ANKS1B: variants seen among roughly 807,000 people sequenced by gnomAD.
ANKS1B encodes ankyrin repeat and sterile alpha motif domain-containing protein 1B.
Under a neutral mutation model 148.3 loss-of-function variants are expected in ANKS1B, and 36 were observed. That is an observed-to-expected ratio of 0.24 (90% CI 0.19 to 0.32). The LOEUF (loss-of-function observed/expected upper bound fraction) is 0.32. Among genes scored for constraint, ANKS1B ranks in the 10% least tolerant of loss-of-function variants. The pLI is 1.00. For missense variants in ANKS1B, 1,157 were observed against 1,542.6 expected (o/e 0.75, Z 4.19); for synonymous variants, 542 against 560.8 (o/e 0.97, Z 0.47).
intron 11 of ANKS1B, among the ~76,000 whole-genome samples, chr12:99,417,283 A>G (rs114190065): frequency 0.02 from 2,987 of 152,326 alleles, 97 homozygotes; most frequent in African/African-American, 0.068. Context: ...GTGTATGTCC[A>G]ACTGCTCCAG....
chr12:99,443,630 C>T (rs753173438), intron 11 of ANKS1B, 43 bp downstream of exon 11: 6 of 1,602,910 alleles, frequency 3.7e-6, no homozygotes, highest in African/African-American at 1.3e-5. Flanking sequence ...TGATTCAAAT[C>T]AAAACACATT....
intron 9 of ANKS1B, among the ~76,000 whole-genome samples, chr12:99,582,248 G>A (rs1344228963): frequency 6.6e-6 from 1 of 151,602 alleles, no homozygotes; most frequent in African/African-American, 2.4e-5. Context: ...ATTCCTGATG[G>A]GAATGCAAAA....
chr12:99,299,954 G>A lies in ANKS1B; in HGVS notation c.1757-53090C>T, dbSNP rs370700089. Among the ~76,000 whole-genome samples, 6 of 152,110 alleles carry A rather than the reference G, an allele frequency of 3.9e-5. No individual in the cohort carries two copies. In the South Asian group the frequency reaches 6.2e-4, roughly 16 times the overall value. On this transcript the variant is annotated intron_variant, in intron 12 of 26. Transcript: ENST00000683438. ...TTATTGCTGTTCCTATGCTTGGTGG[G>A]CAAATCACATTGAGTTTGCCTTCAT...
intron 10 of ANKS1B, among the ~76,000 whole-genome samples, chr12:99,452,923 C>T (rs547109305): frequency 1.1e-4 from 17 of 152,322 alleles, no homozygotes; most frequent in African/African-American, 3.8e-4. Flanking sequence ...TTGAGCCCCA[C>T]CTCATGGTAT....
At chr12:99,639,121 T>C (rs1598607571) in intron 9 of ANKS1B, among the ~76,000 whole-genome samples, 1 of 152,342 alleles carries the variant, frequency 6.6e-6, no homozygotes, top group South Asian at 2.1e-4. Context: ...AATGTGGGGT[T>C]GGAGCCCCCA....
In ANKS1B at chr12:99,244,393, T is replaced by C; in HGVS notation, c.2368A>G (p.Ile790Val). 1 of 1,606,238 alleles carries C rather than the reference T, an allele frequency of 6.2e-7. No individual in the cohort carries two copies. ...WEEIDKIMSS[I>V]DVGINNELKE... ...AGTTCGTTGTTGATTCCAACATCTA[T>C]GGAACTCATTATTTTGTCAATCTGT... Residue 790 changes from isoleucine to valine, a missense_variant, in exon 14 of 27, where the codon ATA becomes GTA. Coordinates refer to ENST00000683438, the MANE Select transcript of ANKS1B (RefSeq NM_001352186.2).
chr12:99,440,797 A>C, intron 11 of ANKS1B, among the ~76,000 whole-genome samples: 1 of 151,908 alleles, frequency 6.6e-6, no homozygotes. Context: ...CTCCATTTAC[A>C]GGTAGAGTTA....
intron 17 of ANKS1B, among the ~76,000 whole-genome samples, chr12:98,982,751 A>G (rs566409011): frequency 6.6e-6 from 1 of 152,284 alleles, no homozygotes; most frequent in East Asian, 1.9e-4. Flanking sequence ...ATTTATTTTC[A>G]TCACTGTATG....
At chr12:99,045,113 T>G (rs2099961470) in intron 17 of ANKS1B, among the ~76,000 whole-genome samples, 1 of 152,274 alleles carries the variant, frequency 6.6e-6, no homozygotes. Flanking sequence ...TTGAAAAGCA[T>G]TTCTGAAATG....
At position 98,796,716 on chromosome 12, in the gene ANKS1B, A is replaced by G. The variant is rs1293722145; in HGVS notation, c.3342+2218T>C. On this transcript the variant is annotated intron_variant, in intron 22 of 26. Transcript: ENST00000683438. Reference sequence around the variant, plus strand: ...AGTAATGAAGTTTCTATTTTCATGTAAACTACATAAGCACCAAGAGCAGCA... The same window carrying G: ...AGTAATGAAGTTTCTATTTTCATGTGAACTACATAAGCACCAAGAGCAGCA... Among the ~76,000 whole-genome samples, 3 of 152,218 alleles carry G rather than the reference A, an allele frequency of 2.0e-5. No homozygotes were observed. The East Asian group carries it at 5.8e-4, about 29-fold the overall frequency.
At chr12:99,435,024 C>A (rs185780096) in intron 11 of ANKS1B, among the ~76,000 whole-genome samples, 46 of 152,120 alleles carry the variant, frequency 3.0e-4, no homozygotes, top group Admixed American at 1.6e-3. Context: ...AACAAAAATT[C>A]TCCATATTCC....
At chr12:99,243,332 A>T (rs1328967727) in intron 14 of ANKS1B, among the ~76,000 whole-genome samples, 1 of 152,224 alleles carries the variant, frequency 6.6e-6, no homozygotes, top group Non-Finnish European at 1.5e-5. Context: ...GTGAGATACC[A>T]TCTCAAGCCA....
chr12:99,342,838 CTTT>C (rs148882696), intron 12 of ANKS1B, among the ~76,000 whole-genome samples: 16,395 of 151,864 alleles, frequency 0.11, 880 homozygotes, highest in Non-Finnish European at 0.13. Flanking sequence ...TTCTCTTCTT[CTTT>C]ATTTGACCTT....
At chr12:99,392,079 C>T (rs1217052511) in intron 12 of ANKS1B, among the ~76,000 whole-genome samples, 3 of 152,194 alleles carry the variant, frequency 2.0e-5, no homozygotes, top group Non-Finnish European at 4.4e-5. Context: ...TCCTCTCTAA[C>T]CCTTTACTTT....
At chr12:98,837,160 T>C (rs2099371136) in intron 17 of ANKS1B, among the ~76,000 whole-genome samples, 2 of 131,454 alleles carry the variant, frequency 1.5e-5, no homozygotes, top group South Asian at 6.1e-4. Context: ...TGAAACCCCG[T>C]CTCTATTAAA....
At chr12:98,896,021 T>C (rs1164341013) in intron 17 of ANKS1B, among the ~76,000 whole-genome samples, 1 of 152,186 alleles carries the variant, frequency 6.6e-6, no homozygotes, top group African/African-American at 2.4e-5. Flanking sequence ...TAAGTGTGAG[T>C]TGCTCACTTA....
intron 11 of ANKS1B, among the ~76,000 whole-genome samples, chr12:99,405,945 C>A (rs568292615): frequency 6.9e-6 from 1 of 145,382 alleles, no homozygotes; most frequent in East Asian, 1.9e-4. Context: ...GACAAAAAAT[C>A]ATTACATAAT....
chr12:99,504,992 C>T (rs1159449698), intron 9 of ANKS1B, among the ~76,000 whole-genome samples: 6 of 152,042 alleles, frequency 3.9e-5, no homozygotes, highest in East Asian at 1.9e-4. Flanking sequence ...CCATATAACT[C>T]GGAGACACCC....
At chr12:99,649,545 A>T in intron 9 of ANKS1B, 1 of 630,520 alleles carries the variant, frequency 1.6e-6, no homozygotes, top group Non-Finnish European at 2.8e-6. Flanking sequence ...ATGTGGCTGC[A>T]ACCAAGTCTG....
Sources: gnomAD v4.1 joint callset for allele counts (sites outside exome capture counted in the v4.1 genomes callset) on GRCh38, gnomAD v4.1.1 for gene constraint, MANE v1.5 for transcripts, NCBI Gene and HGNC (gene_info 2026-07-23, HGNC 2026-07-21) for gene names.